Variants in EFNA5 observed in about 807,000 individuals in gnomAD.
EFNA5 encodes ephrin A5.
Under a neutral mutation model 22.9 loss-of-function variants are expected in EFNA5, and 5 were observed. The ratio of observed to expected loss-of-function variants is 0.22; its 90% CI spans 0.11 to 0.46. The LOEUF (loss-of-function observed/expected upper bound fraction) is 0.46. Among genes scored for constraint, EFNA5 ranks in the 20% least tolerant of loss-of-function variants. EFNA5 has a pLI of 0.99. For missense variants in EFNA5, 237 were observed against 293.3 expected, an observed-to-expected ratio of 0.81 and a Z score of 1.40; for synonymous variants, 113 against 112.2, an observed-to-expected ratio of 1.01 and a Z score of -0.04.
chr5:107,439,647 T>G (rs1403251709), intron 1 of EFNA5, among the ~76,000 whole-genome samples: 2 of 152,158 alleles, frequency 1.3e-5, no homozygotes, highest in Admixed American at 6.5e-5. Context: ...AGCAAATGGC[T>G]GCTCTGAGGC....
At chr5:107,614,385 G>A (rs1343344237) in intron 1 of EFNA5, among the ~76,000 whole-genome samples, 1 of 152,062 alleles carries the variant, frequency 6.6e-6, no homozygotes, top group Non-Finnish European at 1.5e-5. Context: ...TTTAAAGAAT[G>A]TCAAATCATA....
chr5:107,392,652 G>T (rs1380627699), intron 2 of EFNA5, among the ~76,000 whole-genome samples: 1 of 152,172 alleles, frequency 6.6e-6, no homozygotes, highest in Non-Finnish European at 1.5e-5. Context: ...CACAAAATTT[G>T]GGGGTAATTT....
chr5:107,391,795 G>A (rs762183895), intron 2 of EFNA5, among the ~76,000 whole-genome samples: 3 of 152,148 alleles, frequency 2.0e-5, no homozygotes, highest in Non-Finnish European at 2.9e-5. Flanking sequence ...GAGCTGCAAC[G>A]TACCAATCAA....
At chr5:107,558,539 T>C (rs1464851479) in intron 1 of EFNA5, among the ~76,000 whole-genome samples, 1 of 152,242 alleles carries the variant, frequency 6.6e-6, no homozygotes, top group Non-Finnish European at 1.5e-5. Context: ...TATTATACTT[T>C]CTCTGCTATT....
At chr5:107,661,145 A>AAG (rs1331139613) in intron 1 of EFNA5, among the ~76,000 whole-genome samples, 4 of 69,336 alleles carry the variant, frequency 5.8e-5, no homozygotes, top group South Asian at 8.6e-4. Context: ...GAAGAAGAAG[A>AAG]AAAAAAAAGT....
rs76257220 is a variant in EFNA5 at position 107,613,442 on chromosome 5, C to A, written c.125+57047G>T. On this transcript the variant is annotated intron_variant, in intron 1 of 4. Transcript: ENST00000333274. ...AAGTATCCTAAAATGGATGAAAACA[C>A]CAAAACCCCGTTAAAAACTGATGCT... Among the ~76,000 whole-genome samples the A allele has an allele frequency of 5.6e-3, 851 of 152,044 alleles. 6 individuals are homozygous for A. Among genetic ancestry groups the A allele is most frequent in the African/African-American group, 0.019 (784 of 41,494 alleles).
intron 1 of EFNA5, among the ~76,000 whole-genome samples, chr5:107,610,534 A>G (rs1749805317): frequency 6.6e-6 from 1 of 152,244 alleles, no homozygotes; most frequent in Admixed American, 6.5e-5. Context: ...CTATGAAGGC[A>G]GACTACTTGG....
chr5:107,470,587 T>C (rs566674952), intron 1 of EFNA5, among the ~76,000 whole-genome samples: 33 of 152,334 alleles, frequency 2.2e-4, no homozygotes, highest in African/African-American at 7.5e-4. Flanking sequence ...GATGCATAGA[T>C]GGGAATTTTA....
chr5:107,629,462 TGTACACCACCAAGA>T (rs1750198853), intron 1 of EFNA5, among the ~76,000 whole-genome samples: 1 of 152,106 alleles, frequency 6.6e-6, no homozygotes, highest in African/African-American at 2.4e-5. Context: ...ACCCATACAA[TGTACACCACCAAGA>T]GGGAAACCTA....
intron 1 of EFNA5, among the ~76,000 whole-genome samples, chr5:107,434,009 A>T (rs1354796704): frequency 6.6e-6 from 1 of 152,220 alleles, no homozygotes; most frequent in African/African-American, 2.4e-5. Flanking sequence ...GTGAGGTAAC[A>T]GTTGACAACT....
chr5:107,511,245 C>T (rs370566785), intron 1 of EFNA5, among the ~76,000 whole-genome samples: 9 of 152,040 alleles, frequency 5.9e-5, no homozygotes, highest in African/African-American at 1.7e-4. Flanking sequence ...AGGCTGGTCT[C>T]GAACTTCTGA....
chr5:107,493,009 A>G (rs1419924959), intron 1 of EFNA5, among the ~76,000 whole-genome samples: 1 of 151,472 alleles, frequency 6.6e-6, no homozygotes, highest in East Asian at 1.9e-4. Flanking sequence ...AAAAAAAAAT[A>G]CATCTTTAAG....
intron 1 of EFNA5, among the ~76,000 whole-genome samples, chr5:107,503,037 G>A (rs140667379): frequency 0.013 from 1,908 of 152,256 alleles, 71 homozygotes; most frequent in Admixed American, 0.076. Context: ...GAGAACTTGG[G>A]TGGTGGATAA....
At chr5:107,565,744 T>C (rs1257821485) in intron 1 of EFNA5, among the ~76,000 whole-genome samples, 2 of 152,328 alleles carry the variant, frequency 1.3e-5, no homozygotes, top group South Asian at 2.1e-4. Context: ...TAAGGGGGCA[T>C]AAATTATTTT....
intron 2 of EFNA5, among the ~76,000 whole-genome samples, chr5:107,395,662 G>A (rs1308179700): frequency 1.3e-5 from 2 of 152,156 alleles, no homozygotes; most frequent in African/African-American, 4.8e-5. Context: ...ATATTTAAGT[G>A]ACTTTCTCAG....
chr5:107,561,935 A>C (rs1319072086), intron 1 of EFNA5, among the ~76,000 whole-genome samples: 1 of 152,178 alleles, frequency 6.6e-6, no homozygotes, highest in Non-Finnish European at 1.5e-5. Flanking sequence ...GGACAGTGTC[A>C]CAGGGAAACG....
At chr5:107,612,652 C>T (rs1749840036) in intron 1 of EFNA5, among the ~76,000 whole-genome samples, 1 of 152,176 alleles carries the variant, frequency 6.6e-6, no homozygotes, top group South Asian at 2.1e-4. Flanking sequence ...TAGAAGCAAA[C>T]AGAAGCATAT....
intron 2 of EFNA5, among the ~76,000 whole-genome samples, chr5:107,406,941 A>G (rs1282979799): frequency 6.6e-6 from 1 of 152,198 alleles, no homozygotes; most frequent in African/African-American, 2.4e-5. Context: ...GTGAAATAAA[A>G]AGTCTAATCA....
At chr5:107,625,940 TCTC>T (rs1251126652) in intron 1 of EFNA5, among the ~76,000 whole-genome samples, 6 of 152,160 alleles carry the variant, frequency 3.9e-5, no homozygotes, top group African/African-American at 1.4e-4. Context: ...GCTCAACAAA[TCTC>T]CTCATTACTA....
Sources: allele counts gnomAD v4.1 joint callset (sites outside exome capture counted in the v4.1 genomes callset), GRCh38; gene constraint gnomAD v4.1.1; transcripts MANE v1.5; gene names NCBI Gene and HGNC (gene_info 2026-07-23, HGNC 2026-07-21).